FAM78B: variants seen among roughly 807,000 people sequenced by gnomAD.
FAM78B encodes the protein family with sequence similarity 78 member B.
FAM78B carries 10 observed loss-of-function variants against 20.0 expected under a neutral mutation model. That is an observed-to-expected ratio of 0.50 (90% CI 0.31 to 0.85). FAM78B has a LOEUF of 0.85. Among genes scored for constraint, FAM78B ranks in the 40% least tolerant of loss-of-function variants. FAM78B has a pLI of 0.05. For synonymous variants in FAM78B, 135 were observed against 132.8 expected (o/e 1.02, Z -0.12); for missense variants, 283 against 345.0 (o/e 0.82, Z 1.42).
intron 1 of FAM78B, among the ~76,000 whole-genome samples, chr1:166,071,249 T>C (rs1282789168): frequency 6.6e-6 from 1 of 152,226 alleles, no homozygotes; most frequent in East Asian, 1.9e-4. Flanking sequence ...TAGGAAATCA[T>C]AGTAATAGAA....
At chr1:166,109,398 A>G (rs1653909426) in intron 1 of FAM78B, among the ~76,000 whole-genome samples, 1 of 152,214 alleles carries the variant, frequency 6.6e-6, no homozygotes, top group Non-Finnish European at 1.5e-5. Flanking sequence ...GCCAACAAAC[A>G]TATCAAAAAA....
At chr1:166,100,944 G>T (rs1653488006) in intron 1 of FAM78B, among the ~76,000 whole-genome samples, 2 of 152,230 alleles carry the variant, frequency 1.3e-5, no homozygotes, top group Admixed American at 1.3e-4. Flanking sequence ...GGCACCCCCA[G>T]TAGGGGCAAA....
chr1:166,109,208 C>T (rs1306926387), intron 1 of FAM78B, among the ~76,000 whole-genome samples: 1 of 152,142 alleles, frequency 6.6e-6, no homozygotes, highest in Non-Finnish European at 1.5e-5. Context: ...GAACAGTCAG[C>T]AGAGTAAACA....
chr1:166,070,146 T>C lies in FAM78B; in HGVS notation c.*95A>G. ...GGCTGGCAAACCGAGAGGTCTGCTT[T>C]GGCTCAGAAACTCTGTTTGGCTCCT... On this transcript the variant is annotated 3_prime_UTR_variant, in exon 2 of 2. Coordinates refer to ENST00000354422, the MANE Select transcript of FAM78B (RefSeq NM_001017961.5). The C allele has an allele frequency of 7.0e-7, 1 of 1,426,048 alleles. No individual in the cohort carries two copies. The highest frequency in any genetic ancestry group is 1.4e-5 in the African/African-American group (1 of 70,784). 88.3% of individuals were successfully genotyped at this position (1,426,048 alleles called of 1,614,324 possible). A position where few individuals can be genotyped will look rare whatever the true frequency, so the allele number is the denominator to read the frequency against.
chr1:166,157,030 CGGCGGA>C (rs560925383), intron 1 of FAM78B, among the ~76,000 whole-genome samples: 4,475 of 12,814 alleles, frequency 0.35, 1,221 homozygotes, highest in African/African-American at 0.42. Flanking sequence ...GTCAAGGGGG[CGGCGGA>C]GGGGGGGGGG....
chr1:166,149,258 A>G (rs1462721238), intron 1 of FAM78B, among the ~76,000 whole-genome samples: 1 of 27,102 alleles, frequency 3.7e-5, no homozygotes, highest in African/African-American at 6.3e-5. Flanking sequence ...ACAAACAAAC[A>G]AACAAACAAA....
At chr1:166,063,065 A>G (rs923624888) in intron 2 of FAM78B, among the ~76,000 whole-genome samples, 6 of 152,216 alleles carry the variant, frequency 3.9e-5, no homozygotes, top group South Asian at 2.1e-4. Context: ...CAGGAAGGCA[A>G]TATCTCCTTA....
intron 1 of FAM78B, among the ~76,000 whole-genome samples, chr1:166,139,528 C>G (rs1025436840): frequency 2.1e-4 from 32 of 152,076 alleles, no homozygotes; most frequent in African/African-American, 7.2e-4. Flanking sequence ...GATAGAGGGG[C>G]AGAGTCGAGA....
intron 1 of FAM78B, among the ~76,000 whole-genome samples, chr1:166,133,042 A>G (rs1378362999): frequency 2.0e-5 from 3 of 152,234 alleles, no homozygotes; most frequent in Admixed American, 2.0e-4. Context: ...GCTTTCAACA[A>G]CGAGGAAAGG....
Position 166,071,936 on chromosome 1 carries a change from G to A in FAM78B, c.264-1173C>T, listed in dbSNP as rs139690438. The stretch of plus-strand genomic sequence containing the variant: ...GGAGAACTGGACTGGACCCCAGTAA[G>A]GGCAGAAGTCTAGTCAGCAGAGTGT... On this transcript the variant is annotated intron_variant, in intron 1 of 1. Coordinates refer to ENST00000354422, the MANE Select transcript of FAM78B (RefSeq NM_001017961.5). 2.9e-3 allele frequency among the ~76,000 whole-genome samples: 444 copies of A among 152,278 alleles called. 1 individual carries two copies. In the East Asian group the frequency reaches 0.031, roughly 11 times the overall value.
intron 1 of FAM78B, among the ~76,000 whole-genome samples, chr1:166,111,171 G>T (rs1201423887): frequency 6.6e-6 from 1 of 152,146 alleles, no homozygotes; most frequent in Admixed American, 6.6e-5. Context: ...TATCTCCTCT[G>T]GGTCAAGCAA....
chr1:166,164,569 T>C (rs1459262211), intron 1 of FAM78B, among the ~76,000 whole-genome samples: 2 of 152,246 alleles, frequency 1.3e-5, no homozygotes, highest in African/African-American at 4.8e-5. Flanking sequence ...AATTGAGTTT[T>C]CTCAAGGATT....
At chr1:166,107,615 A>G (rs1289377479) in intron 1 of FAM78B, among the ~76,000 whole-genome samples, 2 of 152,160 alleles carry the variant, frequency 1.3e-5, no homozygotes, top group East Asian at 1.9e-4. Flanking sequence ...CACAAGATGG[A>G]GAAGGAACCT....
Position 166,166,956 on chromosome 1 carries a change from G to A in FAM78B, c.-708C>T, listed in dbSNP as rs926927456. 2.6e-5 allele frequency: 4 copies of A among 151,978 alleles called. No individual in the cohort carries two copies. Among genetic ancestry groups the A allele is most frequent in the Non-Finnish European group, 1.5e-5 (1 of 68,094 alleles). 9.4% of individuals were successfully genotyped at this position (151,978 alleles called of 1,614,324 possible). On this transcript the variant is annotated 5_prime_UTR_variant, in exon 1 of 2. Coordinates refer to ENST00000354422, the MANE Select transcript of FAM78B (RefSeq NM_001017961.5). ...CCGGGGTGGAGAGCCCCAACGGCTGGAGCAGCACAGGACGTGCTCCGCGGA... is the reference window on the plus strand; with the variant it reads ...CCGGGGTGGAGAGCCCCAACGGCTGAAGCAGCACAGGACGTGCTCCGCGGA...
chr1:166,135,521 C>T (rs1268253844), intron 1 of FAM78B, among the ~76,000 whole-genome samples: 1 of 152,244 alleles, frequency 6.6e-6, no homozygotes, highest in Non-Finnish European at 1.5e-5. Context: ...GTCTGTTTCA[C>T]TAGCAATAAG....
chr1:166,166,097 G>A lies in FAM78B; in HGVS notation c.152C>T (p.Ala51Val), dbSNP rs750647584. The change falls in exon 1 of 2, where the codon GCC becomes GTC. Residue 51 changes from alanine (A) to valine (V), a missense_variant. Coordinates refer to ENST00000354422, the MANE Select transcript of FAM78B (RefSeq NM_001017961.5). ...VLRYKTPYFK[A>V]SARVVMPPIP... The stretch of plus-strand genomic sequence containing the variant: ...GGGGGGCATGACCACGCGGGCGGAG[G>A]CTTTGAAGTAGGGGGTCTTGTAGCG... 8 of 1,613,496 alleles carry A rather than the reference G, an allele frequency of 5.0e-6. No individual in the cohort carries two copies. The highest frequency in any genetic ancestry group is 4.2e-6 in the Non-Finnish European group (5 of 1,179,758).
chr1:166,148,710 G>C (rs1655567068), intron 1 of FAM78B, among the ~76,000 whole-genome samples: 1 of 152,220 alleles, frequency 6.6e-6, no homozygotes, highest in Non-Finnish European at 1.5e-5. Context: ...CTGTCACTTT[G>C]AGCCAGGAAG....
intron 1 of FAM78B, among the ~76,000 whole-genome samples, chr1:166,159,550 A>T (rs1184971971): frequency 6.6e-6 from 1 of 152,102 alleles, no homozygotes; most frequent in Non-Finnish European, 1.5e-5. Flanking sequence ...CTTAACCTGG[A>T]ACATGATGCC....
intron 1 of FAM78B, among the ~76,000 whole-genome samples, chr1:166,121,379 T>G (rs1428402505): frequency 6.6e-6 from 1 of 152,142 alleles, no homozygotes; most frequent in Non-Finnish European, 1.5e-5. Flanking sequence ...GAGCCCACCC[T>G]GAGGAAGCAG....
Sources: gnomAD v4.1 joint callset for allele counts (sites outside exome capture counted in the v4.1 genomes callset) on GRCh38, gnomAD v4.1.1 for gene constraint, MANE v1.5 for transcripts, NCBI Gene and HGNC (gene_info 2026-07-23, HGNC 2026-07-21) for gene names.